Variants in CDH8 observed in about 807,000 individuals in gnomAD.
CDH8 encodes cadherin-8.
CDH8 carries 17 observed loss-of-function variants against 68.1 expected under a neutral mutation model. That is an observed-to-expected ratio of 0.25 (90% CI 0.17 to 0.37). The LOEUF is 0.37. Among genes scored for constraint, CDH8 ranks in the 10% least tolerant of loss-of-function variants. The probability of loss-of-function intolerance (pLI) is 1.00; values close to 1 mark genes in which losing one functional copy is unlikely to be tolerated. For synonymous variants in CDH8, 372 were observed against 365.1 expected (o/e 1.02, Z -0.21); for missense variants, 763 against 999.3 (o/e 0.76, Z 3.19).
At chr16:61,884,653 C>T (rs532087077) in intron 3 of CDH8, among the ~76,000 whole-genome samples, 79 of 152,206 alleles carry the variant, frequency 5.2e-4, no homozygotes, top group Admixed American at 3.3e-3. Flanking sequence ...GGATTACAGG[C>T]GTGAGCCACT....
chr16:61,869,968 T>C (rs1221213474), intron 3 of CDH8, among the ~76,000 whole-genome samples: 1 of 152,212 alleles, frequency 6.6e-6, no homozygotes, highest in East Asian at 1.9e-4. Context: ...AACTATATTT[T>C]ACAACAGCTG....
At chr16:62,015,214 C>T (rs1466177238) in intron 2 of CDH8, among the ~76,000 whole-genome samples, 1 of 152,152 alleles carries the variant, frequency 6.6e-6, no homozygotes, top group Non-Finnish European at 1.5e-5. Context: ...AAATTTCCCT[C>T]AGGCTATGTG....
intron 10 of CDH8, among the ~76,000 whole-genome samples, chr16:61,678,460 G>A (rs1021915239): frequency 1.3e-5 from 2 of 152,050 alleles, no homozygotes; most frequent in Non-Finnish European, 2.9e-5. Flanking sequence ...TTAGCCACTT[G>A]CTTTTCGTTT....
At chr16:61,761,984 G>A (rs571126991) in intron 8 of CDH8, among the ~76,000 whole-genome samples, 18 of 152,194 alleles carry the variant, frequency 1.2e-4, no homozygotes, top group Admixed American at 2.0e-4. Flanking sequence ...CTGGACAACA[G>A]AGCAAGACTT....
chr16:61,939,066 C>T (rs756641930), intron 2 of CDH8, among the ~76,000 whole-genome samples: 1 of 152,154 alleles, frequency 6.6e-6, no homozygotes, highest in African/African-American at 2.4e-5. Context: ...GAATAAGGCA[C>T]TCATCTCTTC....
intron 8 of CDH8, among the ~76,000 whole-genome samples, chr16:61,782,701 T>A (rs1229312166): frequency 1.3e-5 from 2 of 152,096 alleles, no homozygotes; most frequent in Non-Finnish European, 2.9e-5. Flanking sequence ...CTGACAGCTT[T>A]GAAGAGAGCA....
intron 2 of CDH8, among the ~76,000 whole-genome samples, chr16:62,000,083 T>C (rs1249905513): frequency 2.0e-5 from 3 of 152,166 alleles, no homozygotes; most frequent in South Asian, 4.1e-4. Context: ...GTTACTGTGT[T>C]AGTTTGCTGA....
At chr16:61,779,399 G>A (rs1229085957) in intron 8 of CDH8, among the ~76,000 whole-genome samples, 1 of 147,596 alleles carries the variant, frequency 6.8e-6, no homozygotes, top group Non-Finnish European at 1.5e-5. Flanking sequence ...TCCCTTTGCA[G>A]TATTGTCAAA....
At chr16:62,020,759 A>T (rs1902054713) in intron 2 of CDH8, among the ~76,000 whole-genome samples, 1 of 152,220 alleles carries the variant, frequency 6.6e-6, no homozygotes, top group African/African-American at 2.4e-5. Flanking sequence ...AATAAAACAA[A>T]ATAAACTCTC....
At chr16:61,755,810 C>A (rs984971459) in intron 8 of CDH8, among the ~76,000 whole-genome samples, 1 of 150,914 alleles carries the variant, frequency 6.6e-6, no homozygotes, top group Admixed American at 6.6e-5. Context: ...TTCTTCTTCT[C>A]CTTCTTCTTT....
chr16:61,857,111 C>T lies in CDH8; in HGVS notation c.667+8G>A. ...TGGCAAATATAATTCGAAATTTAGGCCACAAACCTGTTTCAGGCTCAATGG... is the reference window on the plus strand; with the variant it reads ...TGGCAAATATAATTCGAAATTTAGGTCACAAACCTGTTTCAGGCTCAATGG... On this transcript the variant is annotated splice_region_variant and intron_variant, in intron 4 of 11. Coordinates refer to ENST00000577390, the MANE Select transcript of CDH8 (RefSeq NM_001796.5). The T allele has an allele frequency of 1.9e-6, 3 of 1,613,176 alleles. No homozygotes were observed. Among genetic ancestry groups the T allele is most frequent in the Non-Finnish European group, 2.5e-6 (3 of 1,179,356 alleles).
chr16:61,793,170 C>T (rs1487060156), intron 7 of CDH8, among the ~76,000 whole-genome samples: 1 of 151,892 alleles, frequency 6.6e-6, no homozygotes, highest in Admixed American at 6.6e-5. Flanking sequence ...CAGAAGAGGG[C>T]CCTTACCAGA....
chr16:61,958,327 T>C (rs79178817), intron 2 of CDH8, among the ~76,000 whole-genome samples: 3,669 of 152,312 alleles, frequency 0.024, 170 homozygotes, highest in African/African-American at 0.082. Context: ...TTCTTTGATC[T>C]ATTTGAAAGT....
intron 3 of CDH8, among the ~76,000 whole-genome samples, chr16:61,894,398 G>T (rs1009046212): frequency 6.6e-6 from 1 of 152,028 alleles, no homozygotes; most frequent in Non-Finnish European, 1.5e-5. Flanking sequence ...CACGATATTG[G>T]GACAGCTGCA....
chr16:61,708,934 C>T (rs952917219), intron 10 of CDH8, among the ~76,000 whole-genome samples: 5 of 152,088 alleles, frequency 3.3e-5, no homozygotes, highest in Non-Finnish European at 5.9e-5. Context: ...ACGTTTGGTG[C>T]TGTGTGTTGC....
chr16:61,997,973 A>G (rs1420711440), intron 2 of CDH8, among the ~76,000 whole-genome samples: 1 of 152,234 alleles, frequency 6.6e-6, no homozygotes, highest in African/African-American at 2.4e-5. Context: ...ACAAATATCT[A>G]TAAACAGCAA....
At chr16:61,727,658 A>G (rs1959414103) in intron 8 of CDH8, among the ~76,000 whole-genome samples, 1 of 151,110 alleles carries the variant, frequency 6.6e-6, no homozygotes, top group Admixed American at 6.6e-5. Flanking sequence ...GGCCAGAACT[A>G]AATCACTTGT....
intron 2 of CDH8, among the ~76,000 whole-genome samples, chr16:62,000,027 G>GT (rs1277956572): frequency 6.6e-6 from 1 of 150,568 alleles, no homozygotes; most frequent in Non-Finnish European, 1.5e-5. Flanking sequence ...TGTTCTCATT[G>GT]TTCAACTCCC....
At chr16:61,853,542 G>A (rs1962983059) in intron 4 of CDH8, among the ~76,000 whole-genome samples, 1 of 152,058 alleles carries the variant, frequency 6.6e-6, no homozygotes, top group Non-Finnish European at 1.5e-5. Flanking sequence ...CAGAATCCTG[G>A]TGTAAAAAGG....
Sources: allele counts gnomAD v4.1 joint callset (sites outside exome capture counted in the v4.1 genomes callset), GRCh38; gene constraint gnomAD v4.1.1; transcripts MANE v1.5; gene names NCBI Gene and HGNC (gene_info 2026-07-23, HGNC 2026-07-21).